The following IRS2 variants were observed in gnomAD, a reference collection of about 807,000 sequenced individuals.
The protein encoded by IRS2 is insulin receptor substrate 2.
A neutral mutation model predicts 70.9 loss-of-function variants in IRS2; 28 were observed. The ratio of observed to expected loss-of-function variants is 0.39; its 90% CI spans 0.29 to 0.54. IRS2 has a LOEUF of 0.54. Ranked by LOEUF, IRS2 falls within the 20% of genes least tolerant of loss-of-function variation. The pLI, the probability that IRS2 is intolerant of heterozygous loss-of-function variation, is 0.59. For synonymous variants in IRS2, 1,217 were observed against 981.9 expected (o/e 1.24, Z -4.48); for missense variants, 2,081 against 2,024.1 (o/e 1.03, Z -0.54).
chr13:109,752,887 C>T lies in IRS2; in HGVS notation c.*3417G>A. Reference sequence around the variant, plus strand: ...GCATTTTCCTGGATCTGATGATTTTCTTCTTTGTATTCTTGATGTATGCAT... The same window carrying T: ...GCATTTTCCTGGATCTGATGATTTTTTTCTTTGTATTCTTGATGTATGCAT... On this transcript the variant is annotated 3_prime_UTR_variant, in exon 2 of 2. Transcript: ENST00000375856. The T allele has an allele frequency of 6.6e-6, 1 of 150,914 alleles. No individual in the cohort carries two copies. Among genetic ancestry groups the T allele is most frequent in the Admixed American group, 6.6e-5 (1 of 15,134 alleles). The allele number at this position is 150,914 out of a possible 1,614,324, so 9.3% of individuals were successfully genotyped here.
At chr13:109,774,376 C>T (rs1350858439) in intron 1 of IRS2, among the ~76,000 whole-genome samples, 11 of 152,060 alleles carry the variant, frequency 7.2e-5, no homozygotes, top group Admixed American at 2.6e-4. Context: ...CTCTCCAAAC[C>T]GGAGGATGTA....
chr13:109,777,520 T>G (rs916108192), intron 1 of IRS2, among the ~76,000 whole-genome samples: 1 of 152,212 alleles, frequency 6.6e-6, no homozygotes, highest in Non-Finnish European at 1.5e-5. Context: ...AACAAAAGAA[T>G]CACGCATTTT....
At position 109,753,684 on chromosome 13, in the gene IRS2, T is replaced by C. The variant is rs1877042309; in HGVS notation, c.*2620A>G. ...CATAAATGTTGTTATCTGGCAGGTA[T>C]TTTTTGGCTTCCAGAATAAAAGTTT... On this transcript the variant is annotated 3_prime_UTR_variant, in exon 2 of 2. Transcript: ENST00000375856. The C allele has an allele frequency of 5.5e-6, 1 of 182,266 alleles. No homozygotes were observed. The highest frequency in any genetic ancestry group is 2.0e-4 in the South Asian group (1 of 5,072). 11.3% of individuals were successfully genotyped at this position (182,266 alleles called of 1,614,324 possible). A position where few individuals can be genotyped will look rare whatever the true frequency, so the allele number is the denominator to read the frequency against.
chr13:109,784,958 C>G lies in IRS2; in HGVS notation c.1096G>C (p.Glu366Gln). 1 of 1,193,312 alleles carries G rather than the reference C, an allele frequency of 8.4e-7. No individual in the cohort carries two copies. Among genetic ancestry groups the G allele is most frequent in the East Asian group, 3.5e-5 (1 of 28,436 alleles). The allele number at this position is 1,193,312 out of a possible 1,614,324, so 73.9% of individuals were successfully genotyped here. Residue 366 changes from glutamate to glutamine, a missense_variant, in exon 1 of 2, where the codon GAG becomes CAG. Physicochemically the swap from Glu to Gln is conservative, Grantham distance 29. Coordinates refer to ENST00000375856, the MANE Select transcript of IRS2 (RefSeq NM_003749.3). This position sits in a 1 kb window ranked among gnomAD's most constrained non-coding sequence, Gnocchi z 5.2. ...CCCGCCGCCGCGCCGCCGTCGCCCT[C>G]GCTGGCGGTGCGCACCCGGCACGAG... Reference protein sequence around the residue: ...CSSCRVRTASEGDGGAAAGAA... With the variant: ...CSSCRVRTASQGDGGAAAGAA...
chr13:109,765,788 C>T (rs112776394), intron 1 of IRS2, among the ~76,000 whole-genome samples: 2,544 of 52,212 alleles, frequency 0.049, 123 homozygotes, highest in Non-Finnish European at 0.1. Flanking sequence ...ACCCTGACTC[C>T]GACTCCCCAC....
intron 1 of IRS2, among the ~76,000 whole-genome samples, chr13:109,773,494 G>A (rs987295852): frequency 6.6e-6 from 1 of 152,188 alleles, no homozygotes; most frequent in African/African-American, 2.4e-5. Context: ...TCACCGCCCA[G>A]GCTGAACCTG....
chr13:109,763,336 T>G (rs1175727298), intron 1 of IRS2, among the ~76,000 whole-genome samples: 3 of 152,232 alleles, frequency 2.0e-5, no homozygotes, highest in Non-Finnish European at 4.4e-5. Flanking sequence ...CACTATCCTG[T>G]TACAGACCCT....
At chr13:109,758,571 G>A (rs889859717) in intron 1 of IRS2, among the ~76,000 whole-genome samples, 3 of 151,842 alleles carry the variant, frequency 2.0e-5, no homozygotes, top group Non-Finnish European at 2.9e-5. Context: ...ATGCTGTATC[G>A]CTGTAATATT....
intron 1 of IRS2, 88 bp from the exon 2 acceptor site, chr13:109,756,396 G>T (rs936043898): frequency 1.9e-6 from 2 of 1,062,948 alleles, no homozygotes; most frequent in Non-Finnish European, 2.9e-6. Flanking sequence ...CTAACCCACA[G>T]CTAGGACCTG....
chr13:109,783,237 C>A lies in IRS2; in HGVS notation c.2817G>T (p.Leu939=), dbSNP rs540480985. 51 of 1,462,226 alleles carry A rather than the reference C, an allele frequency of 3.5e-5. No homozygotes were observed. In the African/African-American group the frequency reaches 5.7e-4, roughly 16 times the overall value. 90.6% of individuals were successfully genotyped at this position (1,462,226 alleles called of 1,614,324 possible). A position where few individuals can be genotyped will look rare whatever the true frequency, so the allele number is the denominator to read the frequency against. The part of the protein sequence containing the change: ...ARLSPPAPPL[L]ASAASSSSLL... ...GCGAGGAGGACGAGGCCGCCGACGC[C>A]AGCAGGGGAGGCGCGGGCGGCGACA... Residue 939 remains leucine (L), a synonymous_variant, in exon 1 of 2, where the codon CTG becomes CTT. Coordinates refer to ENST00000375856, the MANE Select transcript of IRS2 (RefSeq NM_003749.3).
At position 109,784,149 on chromosome 13, in the gene IRS2, G is replaced by T. The variant is rs1381339944; in HGVS notation, c.1905C>A (p.Ile635=). ...YHPYPEDYGD[I]EIGSHRSSSS... Reference sequence around the variant, plus strand: ...TGGAGCTCCTGTGGGAGCCGATCTCGATGTCTCCGTAGTCCTCTGGGTAGG... The same window carrying T: ...TGGAGCTCCTGTGGGAGCCGATCTCTATGTCTCCGTAGTCCTCTGGGTAGG... The change falls in exon 1 of 2, where the codon ATC becomes ATA. Residue 635 remains isoleucine, a synonymous_variant. Transcript: ENST00000375856. The surrounding 1 kb of genome is among the most constrained non-coding windows in gnomAD (Gnocchi z 5.2). 1.9e-6 allele frequency: 3 copies of T among 1,592,184 alleles called. No individual in the cohort carries two copies. The highest frequency in any genetic ancestry group is 1.7e-5 in the Admixed American group (1 of 59,142).
In IRS2 at chr13:109,783,801, C is replaced by A; in HGVS notation, c.2253G>T (p.Leu751=). The change falls in exon 1 of 2, where the codon CTG becomes CTT. Residue 751 remains leucine (L), a synonymous_variant. Coordinates refer to ENST00000375856, the MANE Select transcript of IRS2 (RefSeq NM_003749.3). ...GYMRMWCGSK[L]SMEHADGKLL... ...GCTTGCCATCTGCATGCTCCATGGA[C>A]AGCTTGGAACCGCACCACATGCGCA... is the stretch of plus-strand genomic sequence containing the variant. 1 of 1,596,676 alleles carries A rather than the reference C, an allele frequency of 6.3e-7. No individual in the cohort carries two copies. The highest frequency in any genetic ancestry group is 8.5e-7 in the Non-Finnish European group (1 of 1,172,068).
chr13:109,786,150 GCGCCCGGC>G lies in IRS2; in HGVS notation c.-105_-98del. 1.5e-6 allele frequency: 1 copy of G among 680,730 alleles called. No individual in the cohort carries two copies. Among genetic ancestry groups the G allele is most frequent in the Non-Finnish European group, 1.8e-6 (1 of 554,384 alleles). 42.2% of individuals were successfully genotyped at this position (680,730 alleles called of 1,614,324 possible). ...GCGGGGGCGGCTCCCTCCCACCCTT[GCGCCCGGC>G]CGCCCGCCCGATCACGCGTCCCTCG... On this transcript the variant is annotated 5_prime_UTR_variant, in exon 1 of 2. Transcript: ENST00000375856. This position sits in a 1 kb window ranked among gnomAD's most constrained non-coding sequence, Gnocchi z 4.4.
Position 109,759,201 on chromosome 13 carries a change from C to T in IRS2, c.4013-2893G>A, listed in dbSNP as rs73606284. 2.1e-3 allele frequency among the ~76,000 whole-genome samples: 313 copies of T among 152,290 alleles called. 1 individual carries two copies. Among genetic ancestry groups the T allele is most frequent in the African/African-American group, 7.0e-3 (293 of 41,564 alleles). ...GGTTAATACAACCGCTTTCAACGGC[C>T]GCCTCCTTTCACGGTAAAGCGAGAA... On this transcript the variant is annotated intron_variant, in intron 1 of 1. Coordinates refer to ENST00000375856, the MANE Select transcript of IRS2 (RefSeq NM_003749.3).
rs772316593 is a variant in IRS2 at position 109,784,487 on chromosome 13, A to C, written c.1567T>G (p.Ser523Ala). The stretch of plus-strand genomic sequence containing the variant: ...CGGGCCGGGGGCGTCTCCGCGATGG[A>C]CTCGGGCGTGTTGCTTCGGTGGCTG... ...FCSHRSNTPE[S>A]IAETPPARDG... The change falls in exon 1 of 2, where the codon TCC becomes GCC. Residue 523 changes from serine to alanine, a missense_variant. Transcript: ENST00000375856. This position sits in a 1 kb window ranked among gnomAD's most constrained non-coding sequence, Gnocchi z 5.2. The C allele has an allele frequency of 6.4e-7, 1 of 1,569,406 alleles. No individual in the cohort carries two copies. Among genetic ancestry groups the C allele is most frequent in the Non-Finnish European group, 8.7e-7 (1 of 1,156,036 alleles).
chr13:109,761,882 G>A (rs1399390470), intron 1 of IRS2, among the ~76,000 whole-genome samples: 6 of 152,158 alleles, frequency 3.9e-5, no homozygotes, highest in Admixed American at 3.9e-4. Context: ...GCAACTTGAT[G>A]TTAATGACAC....
rs1156450597 is a variant in IRS2 at position 109,784,026 on chromosome 13, C to G, written c.2028G>C (p.Met676Ile). The G allele has an allele frequency of 6.5e-7, 1 of 1,539,296 alleles. No homozygotes were observed. Among genetic ancestry groups the G allele is most frequent in the East Asian group, 2.4e-5 (1 of 41,162 alleles). Residue 676 changes from methionine to isoleucine, a missense_variant, in exon 1 of 2, where the codon ATG becomes ATC. Physicochemically the swap from Met to Ile is conservative, Grantham distance 10. Around this residue, in one of 4 missense-constraint regions of IRS2, gnomAD observed 1,615 missense variants for 1,459.5 expected, o/e 1.11. Coordinates refer to ENST00000375856, the MANE Select transcript of IRS2 (RefSeq NM_003749.3). This position sits in a 1 kb window ranked among gnomAD's most constrained non-coding sequence, Gnocchi z 5.2. The stretch of plus-strand genomic sequence containing the variant: ...CGGACACGCTGGCGGGGCTCATGGG[C>G]ATGTAGTCGTCGCTCCTGCAGCTGC... ...GSGSCRSDDYMPMSPASVSAP... is the reference protein window; with the variant it reads ...GSGSCRSDDYIPMSPASVSAP...
At chr13:109,758,720 G>A (rs1191865242) in intron 1 of IRS2, among the ~76,000 whole-genome samples, 2 of 151,582 alleles carry the variant, frequency 1.3e-5, no homozygotes, top group East Asian at 1.9e-4. Context: ...AAATGGCAAG[G>A]AAGTAATTCA....
chr13:109,781,922 T>G lies in IRS2; in HGVS notation c.4012+120A>C, dbSNP rs189277082. The G allele has an allele frequency of 3.1e-3, 3,385 of 1,101,726 alleles. 7 individuals carry two copies. The highest frequency in any genetic ancestry group is 4.1e-3 in the Non-Finnish European group (3,069 of 749,628). 68.2% of individuals were successfully genotyped at this position (1,101,726 alleles called of 1,614,324 possible). On this transcript the variant is annotated intron_variant, in intron 1 of 1. Coordinates refer to ENST00000375856, the MANE Select transcript of IRS2 (RefSeq NM_003749.3). ...GCAGAAAAACAAAACAAGGAGCCAG[T>G]GCCAGGCTGTCGGCTTCTGGGTCAA... is the stretch of plus-strand genomic sequence containing the variant.
Sources: gnomAD v4.1 joint callset for allele counts (sites outside exome capture counted in the v4.1 genomes callset) on GRCh38, gnomAD v4.1.1 for gene constraint, gnomAD v4.1.1 regional missense constraint, Gnocchi (gnomAD v3.1) non-coding constraint, MANE v1.5 for transcripts, NCBI Gene and HGNC (gene_info 2026-07-23, HGNC 2026-07-21) for gene names.